SLC12A5: variants seen among roughly 807,000 people sequenced by gnomAD.
SLC12A5 encodes solute carrier family 12 member 5, also known as K-Cl cotransporter 2.
SLC12A5 carries 18 observed loss-of-function variants against 124.0 expected under a neutral mutation model. The observed-to-expected ratio is 0.15, with a 90% CI of 0.10 to 0.22. The LOEUF is 0.22. SLC12A5 is among the 10% of genes least tolerant of loss of function. SLC12A5 has a pLI of 1.00. For missense variants in SLC12A5, 867 were observed against 1,478.7 expected (o/e 0.59, Z 6.78); for synonymous variants, 589 against 568.0 (o/e 1.04, Z -0.53).
At position 46,054,903 on chromosome 20, in the gene SLC12A5, T is replaced by G; in HGVS notation, c.2680-13T>G. On this transcript the variant is annotated splice_polypyrimidine_tract_variant and intron_variant, in intron 20 of 25. Coordinates refer to ENST00000243964, the MANE Select transcript of SLC12A5 (RefSeq NM_020708.5). Reference sequence around the variant, plus strand: ...CTCCCCACCCCCCAACCCCAACCTCTGTCTGCCCACAGCATGAGAGCGACA... The same window carrying G: ...CTCCCCACCCCCCAACCCCAACCTCGGTCTGCCCACAGCATGAGAGCGACA... 1 of 1,467,762 alleles carries G rather than the reference T, an allele frequency of 6.8e-7. No homozygotes were observed. Among genetic ancestry groups the G allele is most frequent in the Non-Finnish European group, 9.5e-7 (1 of 1,056,730 alleles). The allele number at this position is 1,467,762 out of a possible 1,614,324, so 90.9% of individuals were successfully genotyped here. A position where few individuals can be genotyped will look rare whatever the true frequency, so the allele number is the denominator to read the frequency against.
At chr20:46,027,164 G>C (rs1262068603), upstream of SLC12A5, among the ~76,000 whole-genome samples, 1 of 152,104 alleles carries the variant, frequency 6.6e-6, no homozygotes, top group African/African-American at 2.4e-5. Flanking sequence ...TTGAACACTG[G>C]CTTCTTTTAA....
rs1314389330 is a variant in SLC12A5 at position 46,057,873 on chromosome 20, G to C, written c.*268G>C. The C allele has an allele frequency of 4.7e-6, 2 of 422,056 alleles. No individual in the cohort carries two copies. The highest frequency in any genetic ancestry group is 8.1e-5 in the East Asian group (2 of 24,768). The allele number at this position is 422,056 out of a possible 1,614,324, so 26.1% of individuals were successfully genotyped here. A position where few individuals can be genotyped will look rare whatever the true frequency, so the allele number is the denominator to read the frequency against. ...TAAGCCCGGCCTCGTCTCGCCGGAG[G>C]AGACGCTGCAATAAAGGTTGGGAGA... On this transcript the variant is annotated 3_prime_UTR_variant, in exon 26 of 26. Coordinates refer to ENST00000243964, the MANE Select transcript of SLC12A5 (RefSeq NM_020708.5). This position sits in a 1 kb window ranked among gnomAD's most constrained non-coding sequence, Gnocchi z 7.1.
chr20:46,021,858 C>A (rs1332837812), exon 1 of SLC12A5: 1 of 1,531,020 alleles, frequency 6.5e-7, no homozygotes. Flanking sequence ...TCGCAGACCC[C>A]CGCCACCTCC....
Position 46,059,168 on chromosome 20 carries a change from T to G in SLC12A5, c.*1563T>G, listed in dbSNP as rs1218594235. 9.3e-6 allele frequency: 2 copies of G among 215,494 alleles called. No homozygotes were observed. The highest frequency in any genetic ancestry group is 4.5e-5 in the African/African-American group (2 of 44,030). The allele number at this position is 215,494 out of a possible 1,614,324, so 13.3% of individuals were successfully genotyped here. ...CGTTCCAGCACCATCTGGGACTGGG[T>G]ACAGTACCTCCAGCCCCAGGGCCCT... is the stretch of plus-strand genomic sequence containing the variant. On this transcript the variant is annotated 3_prime_UTR_variant, in exon 26 of 26. Transcript: ENST00000243964.
At position 46,053,694 on chromosome 20, in the gene SLC12A5, C is replaced by A. The variant is rs1053574223; in HGVS notation, c.2664C>A (p.Val888=). Residue 888 remains valine (V), a synonymous_variant, in exon 20 of 26, where the codon GTC becomes GTA. Transcript: ENST00000243964. This position sits in a 1 kb window ranked among gnomAD's most constrained non-coding sequence, Gnocchi z 4.7. ...ATCATTTACGCATCACTGCGGAGGTCGAGGTGGTGGAGATGGTGAGTCCCC... is the reference window on the plus strand; with the variant it reads ...ATCATTTACGCATCACTGCGGAGGTAGAGGTGGTGGAGATGGTGAGTCCCC... ...FLYHLRITAE[V]EVVEMHESDI... is the part of the protein sequence containing the mutation. 6.3e-7 allele frequency: 1 copy of A among 1,596,374 alleles called. No individual in the cohort carries two copies. The highest frequency in any genetic ancestry group is 1.3e-5 in the African/African-American group (1 of 74,720).
Position 46,058,281 on chromosome 20 carries a change from G to A in SLC12A5, c.*676G>A, listed in dbSNP as rs1249733450. The A allele has an allele frequency of 5.1e-6, 2 of 395,744 alleles. No individual in the cohort carries two copies. The highest frequency in any genetic ancestry group is 8.9e-6 in the Non-Finnish European group (2 of 224,566). The allele number at this position is 395,744 out of a possible 1,614,324, so 24.5% of individuals were successfully genotyped here. On this transcript the variant is annotated 3_prime_UTR_variant, in exon 26 of 26. Transcript: ENST00000243964. The surrounding 1 kb of genome is among the most constrained non-coding windows in gnomAD (Gnocchi z 5.8). ...TTCCTTGACGTCCAAGAGTTTGAGA[G>A]CGAAAGTGCTTTAGGCCCAGGCGGG...
chr20:46,041,264 C>A (rs1037169647), intron 7 of SLC12A5, 65 bp from the exon 8 acceptor site: 1 of 1,419,766 alleles, frequency 7.0e-7, no homozygotes, highest in Non-Finnish European at 9.9e-7. Flanking sequence ...CTCCCGGTGG[C>A]TGTATTGTGC....
At chr20:46,029,020 A>C, upstream of SLC12A5, 2 of 726,072 alleles carry the variant, frequency 2.8e-6, no homozygotes, top group Non-Finnish European at 1.8e-6. Flanking sequence ...GTTTTTGTGC[A>C]AGGGGGCCAC....
At chr20:46,025,523 G>A (rs1321402111), upstream of SLC12A5, among the ~76,000 whole-genome samples, 1 of 152,102 alleles carries the variant, frequency 6.6e-6, no homozygotes, top group Admixed American at 6.5e-5. Context: ...CGATCTTTAG[G>A]CCTCAGTTCT....
In SLC12A5 at chr20:46,045,135, C is replaced by T. The variant is rs1600598775; in HGVS notation, c.1564C>T (p.Leu522=). 1.9e-6 allele frequency: 3 copies of T among 1,578,138 alleles called. No homozygotes were observed. The highest frequency in any genetic ancestry group is 2.7e-5 in the African/African-American group (2 of 74,644). ...AISRDGIVPF[L]QVFGHGKANG... is the part of the protein sequence containing the mutation. ...CTCGAGGGATGGCATTGTGCCCTTCCTGCAGGTCAGTGTGGGAGAAGAACA... is the reference window on the plus strand; with the variant it reads ...CTCGAGGGATGGCATTGTGCCCTTCTTGCAGGTCAGTGTGGGAGAAGAACA... The change falls in exon 12 of 26, where the codon CTG becomes TTG. Residue 522 remains leucine, a synonymous_variant. Coordinates refer to ENST00000243964, the MANE Select transcript of SLC12A5 (RefSeq NM_020708.5). The surrounding 1 kb of genome is among the most constrained non-coding windows in gnomAD (Gnocchi z 4.9).
intron 8 of SLC12A5, 71 bp from the exon 9 acceptor site, chr20:46,043,082 C>A: frequency 2.0e-6 from 3 of 1,524,046 alleles, no homozygotes; most frequent in Non-Finnish European, 2.7e-6. Flanking sequence ...TTTGCCCCCT[C>A]CCACCTCCTG....
Position 46,059,657 on chromosome 20 carries a change from A to C in SLC12A5, c.*2052A>C, listed in dbSNP as rs7274705. ...ATGAAACAGACATCCCACAACAAAA[A>C]CCCAAGTTTTCTGTGCTACATGTGC... On this transcript the variant is annotated 3_prime_UTR_variant, in exon 26 of 26. Coordinates refer to ENST00000243964, the MANE Select transcript of SLC12A5 (RefSeq NM_020708.5). The C allele has an allele frequency of 2.3e-3, 922 of 398,936 alleles. 7 individuals carry two copies. Among genetic ancestry groups the C allele is most frequent in the African/African-American group, 4.6e-3 (223 of 48,698 alleles). 24.7% of individuals were successfully genotyped at this position (398,936 alleles called of 1,614,324 possible).
intron 1 of SLC12A5, among the ~76,000 whole-genome samples, chr20:46,022,290 G>T (rs2084362580): frequency 6.6e-6 from 1 of 151,754 alleles, no homozygotes; most frequent in South Asian, 2.1e-4. Context: ...AGGGGGCTGT[G>T]TGTTGAAGGG....
At position 46,057,637 on chromosome 20, in the gene SLC12A5, G is replaced by A. The variant is rs772208578; in HGVS notation, c.*32G>A. ...GGACCTGCCACCCGGGCCCGAGCGCGCCCGGCCCGCGGCTCCGGAGCCCTC... is the reference window on the plus strand; with the variant it reads ...GGACCTGCCACCCGGGCCCGAGCGCACCCGGCCCGCGGCTCCGGAGCCCTC... On this transcript the variant is annotated 3_prime_UTR_variant, in exon 26 of 26. Coordinates refer to ENST00000243964, the MANE Select transcript of SLC12A5 (RefSeq NM_020708.5). The surrounding 1 kb of genome is among the most constrained non-coding windows in gnomAD (Gnocchi z 7.1). 9 of 1,567,106 alleles carry A rather than the reference G, an allele frequency of 5.7e-6. No homozygotes were observed. The highest frequency in any genetic ancestry group is 7.8e-6 in the Non-Finnish European group (9 of 1,147,196).
At position 46,045,874 on chromosome 20, in the gene SLC12A5, C is replaced by T. The variant is rs1235380042; in HGVS notation, c.1570-4C>T. ...CAGTCCCATGATGATTGCTCTTTCC[C>T]CAGGTCTTTGGCCATGGCAAGGCCA... On this transcript the variant is annotated splice_region_variant and splice_polypyrimidine_tract_variant and intron_variant, in intron 12 of 25. Transcript: ENST00000243964. The surrounding 1 kb of genome is among the most constrained non-coding windows in gnomAD (Gnocchi z 4.9). The T allele has an allele frequency of 6.2e-7, 1 of 1,613,538 alleles. No homozygotes were observed. The highest frequency in any genetic ancestry group is 1.1e-5 in the South Asian group (1 of 91,042).
chr20:46,053,892 G>C lies in SLC12A5; in HGVS notation c.2679+183G>C, dbSNP rs959603505. ...TTCTCTATAAAAGTAGCCATGTCTA[G>C]TGCTTATTATATGCCAGGCACTGTT... is the stretch of plus-strand genomic sequence containing the variant. On this transcript the variant is annotated intron_variant, in intron 20 of 25. Transcript: ENST00000243964. The surrounding 1 kb of genome is among the most constrained non-coding windows in gnomAD (Gnocchi z 4.7). Among the ~76,000 whole-genome samples, 1 of 152,126 alleles carries C rather than the reference G, an allele frequency of 6.6e-6. No homozygotes were observed. The highest frequency in any genetic ancestry group is 2.4e-5 in the African/African-American group (1 of 41,414).
rs958665291 is a variant in SLC12A5, at chr20:46,045,982, C to T, written c.1674C>T (p.Ala558=). The T allele has an allele frequency of 6.2e-7, 1 of 1,614,086 alleles. No homozygotes were observed. The highest frequency in any genetic ancestry group is 1.3e-5 in the African/African-American group (1 of 75,028). ...TCATTGCATCCCTCGACGAGGTGGC[C>T]CCCATCCTCTCTATGTGCGTGCCTG... ...GILIASLDEV[A]PILSMFFLMC... Residue 558 remains alanine (A), a synonymous_variant, in exon 13 of 26, where the codon GCC becomes GCT. Transcript: ENST00000243964. The surrounding 1 kb of genome is among the most constrained non-coding windows in gnomAD (Gnocchi z 4.9).
intron 1 of SLC12A5, among the ~76,000 whole-genome samples, chr20:46,029,843 TG>T (rs1251587004): frequency 7.0e-6 from 1 of 143,272 alleles, no homozygotes; most frequent in Non-Finnish European, 1.5e-5. Flanking sequence ...ATCTGGAAGA[TG>T]GGGGAAGAGG....
intron 16 of SLC12A5, among the ~76,000 whole-genome samples, chr20:46,049,299 T>A (rs963441636): frequency 6.6e-6 from 1 of 152,138 alleles, no homozygotes; most frequent in Non-Finnish European, 1.5e-5. Flanking sequence ...AAAGCATGAA[T>A]CGATGGATGT....
Sources: allele counts gnomAD v4.1 joint callset (sites outside exome capture counted in the v4.1 genomes callset), GRCh38; gene constraint gnomAD v4.1.1; non-coding constraint Gnocchi (gnomAD v3.1); transcripts MANE v1.5; gene names NCBI Gene and HGNC (gene_info 2026-07-23, HGNC 2026-07-21).